Variants in QKI observed in about 807,000 individuals in gnomAD.
QKI encodes the protein QKI, KH domain containing RNA binding, also known as KH domain-containing RNA-binding protein QKI.
A neutral mutation model predicts 39.0 loss-of-function variants in QKI; 10 were observed. The ratio of observed to expected loss-of-function variants is 0.26; its 90% CI spans 0.16 to 0.43. QKI has a LOEUF of 0.43. QKI is among the 20% of genes least tolerant of loss of function. QKI has a pLI of 1.00. For missense variants in QKI, 218 were observed against 428.0 expected (o/e 0.51, Z 4.33); for synonymous variants, 204 against 155.4 (o/e 1.31, Z -2.33).
chr6:163,521,242 A>G (rs1043424359), intron 3 of QKI, among the ~76,000 whole-genome samples: 3 of 152,280 alleles, frequency 2.0e-5, no homozygotes, highest in South Asian at 4.1e-4. Context: ...CTGACTGTGC[A>G]CAAGGAGCAC....
At chr6:163,511,988 A>G (rs1257502688) in intron 3 of QKI, among the ~76,000 whole-genome samples, 1 of 152,072 alleles carries the variant, frequency 6.6e-6, no homozygotes, top group African/African-American at 2.4e-5. Context: ...TAAAAAAAGA[A>G]GATACTGCAT....
At chr6:163,449,645 T>G (rs1457443239) in intron 1 of QKI, among the ~76,000 whole-genome samples, 1 of 152,208 alleles carries the variant, frequency 6.6e-6, no homozygotes, top group Admixed American at 6.5e-5. Flanking sequence ...TCATTAATAT[T>G]TTGTTGCTTA....
At chr6:163,509,361 T>G (rs1779294954) in intron 3 of QKI, among the ~76,000 whole-genome samples, 1 of 152,134 alleles carries the variant, frequency 6.6e-6, no homozygotes, top group African/African-American at 2.4e-5. Flanking sequence ...GGAAAGTTGA[T>G]TACATAGAAA....
chr6:163,480,505 A>G (rs1376293633), intron 3 of QKI, among the ~76,000 whole-genome samples: 2 of 152,122 alleles, frequency 1.3e-5, no homozygotes, highest in African/African-American at 4.8e-5. Flanking sequence ...CTCCTCATCA[A>G]TGATTTAGTA....
At chr6:163,504,800 A>G (rs1042991403) in intron 3 of QKI, among the ~76,000 whole-genome samples, 1 of 152,110 alleles carries the variant, frequency 6.6e-6, no homozygotes, top group African/African-American at 2.4e-5. Context: ...AAAGAGAGAT[A>G]GTTTGACTTC....
At chr6:163,424,948 A>G (rs1470700819) in intron 1 of QKI, among the ~76,000 whole-genome samples, 1 of 152,170 alleles carries the variant, frequency 6.6e-6, no homozygotes, top group African/African-American at 2.4e-5. Flanking sequence ...TCTGCTTTCT[A>G]TCAACATTTT....
intron 2 of QKI, among the ~76,000 whole-genome samples, chr6:163,468,557 G>A (rs1045337576): frequency 1.3e-5 from 2 of 152,160 alleles, no homozygotes; most frequent in Admixed American, 6.5e-5. Flanking sequence ...AAAATGAAGT[G>A]TGAGCAGCAA....
intron 3 of QKI, among the ~76,000 whole-genome samples, chr6:163,488,938 TTTTTA>T (rs1440122828): frequency 5.9e-5 from 9 of 151,726 alleles, no homozygotes; most frequent in Non-Finnish European, 1.3e-4. Flanking sequence ...TTGGGTAGAT[TTTTTA>T]TTTTTAGTTT....
At position 163,576,576 on chromosome 6, in the gene QKI, GTATATA is replaced by G. The variant is rs10650747; in HGVS notation, c.*5877_*5882del. The G allele has an allele frequency of 6.7e-6, 1 of 149,604 alleles. No individual in the cohort carries two copies. The highest frequency in any genetic ancestry group is 1.5e-5 in the Non-Finnish European group (1 of 67,302). The allele number at this position is 149,604 out of a possible 1,614,324, so 9.3% of individuals were successfully genotyped here. A position where few individuals can be genotyped will look rare whatever the true frequency, so the allele number is the denominator to read the frequency against. On this transcript the variant is annotated 3_prime_UTR_variant, in exon 8 of 8. Coordinates refer to ENST00000361752, the MANE Select transcript of QKI (RefSeq NM_006775.3). ...TTTAAAATTTTACTGTGGAAATTGT[GTATATA>G]TATATATATAGTCGAAATAGGTGTT... is the stretch of plus-strand genomic sequence containing the variant.
Position 163,494,991 on chromosome 6 carries a change from CAT to C in QKI, c.402+16096_402+16097del, listed in dbSNP as rs1778316428. On this transcript the variant is annotated intron_variant, in intron 3 of 7. Coordinates refer to ENST00000361752, the MANE Select transcript of QKI (RefSeq NM_006775.3). Reference sequence around the variant, plus strand: ...AGTGCAGTGGCGCGATCTTGGCTCACATTAACCTCTGCCTCCTGGGTTCAGGC... The same window carrying C: ...AGTGCAGTGGCGCGATCTTGGCTCACTAACCTCTGCCTCCTGGGTTCAGGC... 3.3e-5 allele frequency among the ~76,000 whole-genome samples: 5 copies of C among 151,918 alleles called. No homozygotes were observed. The South Asian group carries it at 1.0e-3, about 32-fold the overall frequency.
At chr6:163,510,031 A>G (rs1296018555) in intron 3 of QKI, among the ~76,000 whole-genome samples, 1 of 151,932 alleles carries the variant, frequency 6.6e-6, no homozygotes, top group African/African-American at 2.4e-5. Flanking sequence ...TCTGGGCAAT[A>G]TGTTGAAACC....
intron 1 of QKI, among the ~76,000 whole-genome samples, chr6:163,442,343 T>C (rs1480112748): frequency 6.6e-6 from 1 of 152,180 alleles, no homozygotes; most frequent in East Asian, 1.9e-4. Context: ...GCGTGGTAAG[T>C]TTTATTAGAC....
intron 2 of QKI, among the ~76,000 whole-genome samples, chr6:163,464,619 C>G (rs537236026): frequency 6.6e-6 from 1 of 152,216 alleles, no homozygotes; most frequent in Non-Finnish European, 1.5e-5. Flanking sequence ...AACATACAAC[C>G]TATCAGGACC....
Position 163,549,154 on chromosome 6 carries a change from C to T in QKI, c.547-12828C>T, listed in dbSNP as rs540843042. ...GGGCGGCAGGAAAGAGAATGAGTGC[C>T]GAGCGAAGAAGATTTGACCAGAGAA... On this transcript the variant is annotated intron_variant, in intron 4 of 7. Transcript: ENST00000361752. Among the ~76,000 whole-genome samples the T allele has an allele frequency of 3.3e-5, 5 of 151,716 alleles. 1 individual carries two copies. Among genetic ancestry groups the T allele is most frequent in the South Asian group, 2.1e-4 (1 of 4,790 alleles).
At chr6:163,450,384 G>A (rs796531274) in intron 1 of QKI, among the ~76,000 whole-genome samples, 1 of 152,142 alleles carries the variant, frequency 6.6e-6, no homozygotes, top group Non-Finnish European at 1.5e-5. Context: ...AAAAGGATAT[G>A]TACAAAAGTA....
chr6:163,564,492 T>TGA lies in QKI; in HGVS notation c.934+778_934+779dup. 7 of 1,432,498 alleles carry TGA rather than the reference T, an allele frequency of 4.9e-6. No individual in the cohort carries two copies. The South Asian group carries it at 1.1e-4, about 22-fold the overall frequency. 88.7% of individuals were successfully genotyped at this position (1,432,498 alleles called of 1,614,324 possible). A position where few individuals can be genotyped will look rare whatever the true frequency, so the allele number is the denominator to read the frequency against. On this transcript the variant is annotated intron_variant, in intron 6 of 7. Transcript: ENST00000361752. Reference sequence around the variant, plus strand: ...TTTGGAGTCCTAGTCATATTAAACATGAGAGATACTCTTAATTTCAGTAGT... The same window carrying TGA: ...TTTGGAGTCCTAGTCATATTAAACATGAGAGAGATACTCTTAATTTCAGTAGT...
chr6:163,421,125 G>C (rs1186440113), intron 1 of QKI, among the ~76,000 whole-genome samples: 1 of 152,146 alleles, frequency 6.6e-6, no homozygotes, highest in Non-Finnish European at 1.5e-5. Flanking sequence ...ATAATTTTAA[G>C]AAATGAAGCA....
chr6:163,575,350 TA>T lies in QKI; in HGVS notation c.*4646del, dbSNP rs1201427354. On this transcript the variant is annotated 3_prime_UTR_variant, in exon 8 of 8. Transcript: ENST00000361752. ...ATTGCTGCCTTTTATGTAGGAAATG[TA>T]AAAAAGTTTTAAAAGGCGAAAATAA... 6.6e-6 allele frequency: 1 copy of T among 152,222 alleles called. No individual in the cohort carries two copies. Among genetic ancestry groups the T allele is most frequent in the South Asian group, 2.1e-4 (1 of 4,834 alleles). The allele number at this position is 152,222 out of a possible 1,614,324, so 9.4% of individuals were successfully genotyped here. A position where few individuals can be genotyped will look rare whatever the true frequency, so the allele number is the denominator to read the frequency against.
At chr6:163,509,659 A>G (rs1779314778) in intron 3 of QKI, among the ~76,000 whole-genome samples, 1 of 152,166 alleles carries the variant, frequency 6.6e-6, no homozygotes, top group Non-Finnish European at 1.5e-5. Flanking sequence ...AAGCAATGCC[A>G]AAAGGTATAT....
Sources: gnomAD v4.1 joint callset for allele counts (sites outside exome capture counted in the v4.1 genomes callset) on GRCh38, gnomAD v4.1.1 for gene constraint, MANE v1.5 for transcripts, NCBI Gene and HGNC (gene_info 2026-07-23, HGNC 2026-07-21) for gene names.